MIPOL1: variants seen among roughly 807,000 people sequenced by gnomAD.
MIPOL1 encodes mirror-image polydactyly gene 1 protein.
In MIPOL1, 57 loss-of-function variants were observed where a neutral mutation model predicts 60.9. That is an observed-to-expected ratio of 0.94 (90% CI 0.76 to 1.17). The LOEUF is 1.17. Among genes scored for constraint, MIPOL1 ranks in the 50% most tolerant of loss-of-function variants. The pLI, the probability that MIPOL1 is intolerant of heterozygous loss-of-function variation, is 0.00. For missense variants in MIPOL1, 551 were observed against 511.6 expected (o/e 1.08, Z -0.74); for synonymous variants, 179 against 168.8 (o/e 1.06, Z -0.47).
chr14:37,338,129 C>T (rs1241639273), intron 9 of MIPOL1, among the ~76,000 whole-genome samples: 14 of 122,484 alleles, frequency 1.1e-4, no homozygotes, highest in African/African-American at 3.7e-4. Flanking sequence ...TTTTTTGAGA[C>T]GGAGTCTCGC....
intron 3 of MIPOL1, among the ~76,000 whole-genome samples, chr14:37,257,095 T>TTGTGTG (rs61079220): frequency 0.098 from 13,442 of 137,612 alleles, 757 homozygotes; most frequent in African/African-American, 0.17. Context: ...TGGTTTTGTT[T>TTGTGTG]TGTGTGTGTG....
At chr14:37,344,489 G>T (rs1396591141) in intron 9 of MIPOL1, among the ~76,000 whole-genome samples, 3 of 151,754 alleles carry the variant, frequency 2.0e-5, no homozygotes, top group South Asian at 4.2e-4. Context: ...ACGAGATTTA[G>T]ATTTGTTTTT....
intron 11 of MIPOL1, among the ~76,000 whole-genome samples, chr14:37,455,623 A>G (rs1418712665): frequency 6.6e-6 from 1 of 152,012 alleles, no homozygotes; most frequent in Non-Finnish European, 1.5e-5. Flanking sequence ...TCTTGTAAAT[A>G]ACTTACTGCC....
At chr14:37,332,424 A>G (rs957103590) in intron 9 of MIPOL1, among the ~76,000 whole-genome samples, 5 of 152,262 alleles carry the variant, frequency 3.3e-5, no homozygotes, top group Admixed American at 1.3e-4. Flanking sequence ...GATCATGTTG[A>G]ATCAAACTGC....
At chr14:37,280,380 T>C (rs1332780573) in intron 6 of MIPOL1, among the ~76,000 whole-genome samples, 1 of 152,220 alleles carries the variant, frequency 6.6e-6, no homozygotes, top group Non-Finnish European at 1.5e-5. Context: ...CTTTTAGTTT[T>C]TTGTGGAACC....
chr14:37,527,684 C>T (rs2095456219), intron 12 of MIPOL1, among the ~76,000 whole-genome samples: 3 of 152,068 alleles, frequency 2.0e-5, no homozygotes, highest in African/African-American at 7.2e-5. Context: ...AAAAACTCTG[C>T]TTCTTTTCAT....
chr14:37,212,087 G>A (rs1021121770), intron 1 of MIPOL1: 2 of 152,104 alleles, frequency 1.3e-5, no homozygotes, highest in Non-Finnish European at 2.9e-5. Context: ...CTACATCAAG[G>A]GTGTTGGGTG....
chr14:37,268,761 G>A lies in MIPOL1; in HGVS notation c.355G>A (p.Glu119Lys). The change falls in exon 5 of 13, where the codon GAA (glutamate) becomes AAA (lysine). Residue 119 changes from glutamate to lysine, a missense_variant. Physicochemically the swap from Glu to Lys is moderately conservative, Grantham distance 56. Coordinates refer to ENST00000684589, the MANE Select transcript of MIPOL1 (RefSeq NM_001388067.1). The part of the protein sequence containing the change: ...KEKTIAFLLK[E>K]LDILRTSNKK... ...GAAGACAATAGCATTTCTTCTAAAA[G>A]AATTGGATATTCTCAGAACAAGCAA... 6.3e-7 allele frequency: 1 copy of A among 1,593,354 alleles called. No individual in the cohort carries two copies. The highest frequency in any genetic ancestry group is 8.6e-7 in the Non-Finnish European group (1 of 1,167,228).
At chr14:37,482,652 A>AGCACTGG (rs2094888829) in intron 11 of MIPOL1, among the ~76,000 whole-genome samples, 1 of 152,230 alleles carries the variant, frequency 6.6e-6, no homozygotes, top group Non-Finnish European at 1.5e-5. Flanking sequence ...TCATGAGAAC[A>AGCACTGG]GCACTGGGGA....
intron 9 of MIPOL1, among the ~76,000 whole-genome samples, chr14:37,349,741 A>G (rs868579948): frequency 6.6e-6 from 1 of 152,170 alleles, no homozygotes. Flanking sequence ...ATCATTCTAT[A>G]TATTTCATTT....
At chr14:37,251,201 C>T (rs1756357373) in intron 3 of MIPOL1, among the ~76,000 whole-genome samples, 1 of 151,996 alleles carries the variant, frequency 6.6e-6, no homozygotes, top group African/African-American at 2.4e-5. Context: ...GCTTGGACTA[C>T]AGGCATGAGT....
intron 11 of MIPOL1, chr14:37,434,715 G>A (rs2094135171): frequency 6.6e-6 from 1 of 152,044 alleles, no homozygotes. Context: ...AGATGTTGTG[G>A]CCTTGAGTCT....
chr14:37,541,142 C>T (rs2095528072), intron 12 of MIPOL1, among the ~76,000 whole-genome samples: 2 of 152,214 alleles, frequency 1.3e-5, no homozygotes, highest in Admixed American at 1.3e-4. Flanking sequence ...ATCTTCTTGT[C>T]ACTCAGAACT....
At chr14:37,225,633 C>G (rs1376315512) in intron 1 of MIPOL1, among the ~76,000 whole-genome samples, 1 of 152,142 alleles carries the variant, frequency 6.6e-6, no homozygotes, top group African/African-American at 2.4e-5. Flanking sequence ...CCTCATAGGC[C>G]TCCGGGTCTG....
intron 1 of MIPOL1, among the ~76,000 whole-genome samples, chr14:37,221,592 A>G (rs1417459399): frequency 2.0e-5 from 3 of 152,206 alleles, no homozygotes; most frequent in African/African-American, 4.8e-5. Flanking sequence ...GTGAAGGGGA[A>G]GCAGGCACAT....
chr14:37,460,655 G>A (rs1056629306), intron 11 of MIPOL1, among the ~76,000 whole-genome samples: 3 of 152,138 alleles, frequency 2.0e-5, no homozygotes, highest in Admixed American at 1.3e-4. Flanking sequence ...AATGACTTCA[G>A]TAAAGTTTCG....
At chr14:37,313,921 C>T (rs1216584711) in intron 9 of MIPOL1, among the ~76,000 whole-genome samples, 1 of 152,110 alleles carries the variant, frequency 6.6e-6, no homozygotes, top group Non-Finnish European at 1.5e-5. Context: ...TTCAACCTTT[C>T]CTTGGGTTTC....
chr14:37,348,383 A>G (rs905621183), intron 9 of MIPOL1, among the ~76,000 whole-genome samples: 4 of 152,168 alleles, frequency 2.6e-5, no homozygotes, highest in African/African-American at 4.8e-5. Flanking sequence ...GAATAAAATG[A>G]TGTGATGATC....
At chr14:37,411,483 G>A (rs998881492) in intron 10 of MIPOL1, among the ~76,000 whole-genome samples, 1 of 152,050 alleles carries the variant, frequency 6.6e-6, no homozygotes, top group African/African-American at 2.4e-5. Flanking sequence ...ATGTTCTCAG[G>A]TATCTGGCAA....
Sources: gnomAD v4.1 joint callset for allele counts (sites outside exome capture counted in the v4.1 genomes callset) on GRCh38, gnomAD v4.1.1 for gene constraint, MANE v1.5 for transcripts, NCBI Gene and HGNC (gene_info 2026-07-23, HGNC 2026-07-21) for gene names.